SUPV3L1: variants seen among roughly 807,000 people sequenced by gnomAD.
SUPV3L1 encodes Suv3 like RNA helicase.
A neutral mutation model predicts 70.0 loss-of-function variants in SUPV3L1; 35 were observed. The observed-to-expected ratio is 0.50, with a 90% CI of 0.38 to 0.66. SUPV3L1 has a LOEUF of 0.66. Among genes scored for constraint, SUPV3L1 ranks in the 30% least tolerant of loss-of-function variants. SUPV3L1 has a pLI of 0.00. For synonymous variants in SUPV3L1, 364 were observed against 341.9 expected, an observed-to-expected ratio of 1.06 and a Z score of -0.71; for missense variants, 777 against 961.5, an observed-to-expected ratio of 0.81 and a Z score of 2.54.
intron 1 of SUPV3L1, among the ~76,000 whole-genome samples, chr10:69,181,974 C>CT (rs1382268994): frequency 2.0e-5 from 3 of 148,194 alleles, no homozygotes; most frequent in Non-Finnish European, 3.0e-5. Flanking sequence ...CTCTTTTAAG[C>CT]TTTTTTTTAG....
intron 10 of SUPV3L1, among the ~76,000 whole-genome samples, chr10:69,199,971 A>C (rs1021350269): frequency 2.0e-5 from 3 of 152,036 alleles, no homozygotes; most frequent in African/African-American, 7.2e-5. Flanking sequence ...CAGCCCCCCG[A>C]GTACTAGAGC....
intron 2 of SUPV3L1, 111 bp from the exon 3 acceptor site, chr10:69,186,325 CAAAAAAA>C (rs34197871): frequency 5.5e-5 from 22 of 397,758 alleles, no homozygotes; most frequent in Admixed American, 1.8e-4. Flanking sequence ...GCTGTACTGC[CAAAAAAA>C]AAAAAAAAAA....
intron 11 of SUPV3L1, 65 bp from the exon 12 acceptor site, chr10:69,202,374 A>G: frequency 6.9e-7 from 1 of 1,455,494 alleles, no homozygotes; most frequent in Non-Finnish European, 9.5e-7. Context: ...GCAATAACTT[A>G]AGAAAATTTG....
chr10:69,180,644 C>T (rs912727981), intron 1 of SUPV3L1, 82 bp downstream of exon 1: 2 of 1,527,130 alleles, frequency 1.3e-6, no homozygotes, highest in Non-Finnish European at 8.8e-7. Flanking sequence ...CATCCCCTTC[C>T]CCTGGGGATC....
Position 69,189,541 on chromosome 10 carries a change from A to G in SUPV3L1, c.741+106A>G, listed in dbSNP as rs139315361. 149 of 1,191,920 alleles carry G rather than the reference A, an allele frequency of 1.3e-4. No homozygotes were observed. The African/African-American group carries it at 2.1e-3, about 17-fold the overall frequency. The allele number at this position is 1,191,920 out of a possible 1,614,324, so 73.8% of individuals were successfully genotyped here. On this transcript the variant is annotated intron_variant, in intron 5 of 14. Coordinates refer to ENST00000359655, the MANE Select transcript of SUPV3L1 (RefSeq NM_003171.5). ...TTTACTGTTAACAAGAAATTACCAT[A>G]TTTCATTGTGTCTAAGAGGCTGTCA...
intron 14 of SUPV3L1, 148 bp downstream of exon 14, chr10:69,208,089 G>T: frequency 9.5e-7 from 1 of 1,054,932 alleles, no homozygotes; most frequent in South Asian, 1.7e-5. Context: ...TTCAACTGAT[G>T]GAATGGTTTC....
intron 13 of SUPV3L1, among the ~76,000 whole-genome samples, chr10:69,206,350 T>C (rs1842827896): frequency 6.6e-6 from 1 of 152,202 alleles, no homozygotes; most frequent in South Asian, 2.1e-4. Context: ...CTTGCTTAGG[T>C]TAAGCATTTA....
intron 1 of SUPV3L1, among the ~76,000 whole-genome samples, chr10:69,184,371 A>G (rs1272991158): frequency 6.6e-6 from 1 of 151,978 alleles, no homozygotes; most frequent in Admixed American, 6.6e-5. Flanking sequence ...TCTACTAAAA[A>G]TACAAAATTA....
chr10:69,203,897 T>C (rs1432769583), intron 13 of SUPV3L1, among the ~76,000 whole-genome samples: 1 of 151,742 alleles, frequency 6.6e-6, no homozygotes, highest in Non-Finnish European at 1.5e-5. Flanking sequence ...AGCTAATTTT[T>C]GCATTTTTTG....
Position 69,189,277 on chromosome 10 carries a change from G to T in SUPV3L1, c.583G>T (p.Ala195Ser), listed in dbSNP as rs998030325. Reference sequence around the variant, plus strand: ...CTACTCATGTTTTAGGTACCCAGATGCTAGAGCCATGCAGCGGAAGATAAT... The same window carrying T: ...CTACTCATGTTTTAGGTACCCAGATTCTAGAGCCATGCAGCGGAAGATAAT... ...LRIPPNWYPD[A>S]RAMQRKIIFH... The change falls in exon 5 of 15, where the codon GCT becomes TCT. Residue 195 changes from alanine to serine, a missense_variant. Physicochemically the swap from Ala to Ser is moderately conservative, Grantham distance 99 (BLOSUM62 1). This residue lies in a region of SUPV3L1 where 619 missense variants were observed against 823.3 expected (regional missense o/e 0.75). Transcript: ENST00000359655. The T allele has an allele frequency of 6.2e-7, 1 of 1,613,344 alleles. No individual in the cohort carries two copies. The highest frequency in any genetic ancestry group is 8.5e-7 in the Non-Finnish European group (1 of 1,179,692).
intron 1 of SUPV3L1, among the ~76,000 whole-genome samples, chr10:69,185,246 A>G (rs1842187066): frequency 6.6e-6 from 1 of 152,186 alleles, no homozygotes; most frequent in South Asian, 2.1e-4. Context: ...TATCCCTGAA[A>G]TCATCATCCT....
At chr10:69,197,669 A>C in intron 8 of SUPV3L1, among the ~76,000 whole-genome samples, 1 of 152,116 alleles carries the variant, frequency 6.6e-6, no homozygotes, top group East Asian at 1.9e-4. Context: ...TCCTGGACTC[A>C]AGTGATCCTC....
At position 69,198,545 on chromosome 10, in the gene SUPV3L1, C is replaced by T. The variant is rs940588953; in HGVS notation, c.1197C>T (p.Leu399=). Residue 399 remains leucine, a synonymous_variant, in exon 9 of 15, where the codon CTC becomes CTT. Coordinates refer to ENST00000359655, the MANE Select transcript of SUPV3L1 (RefSeq NM_003171.5). ...GLESAVIYGS[L]PPGTKLAQAK... is the part of the protein sequence containing the mutation. The stretch of plus-strand genomic sequence containing the variant: ...AATCAGCTGTTATATATGGCAGTCT[C>T]CCACCTGGTAATTATTGACTTTCCT... The T allele has an allele frequency of 2.5e-6, 4 of 1,613,198 alleles. No individual in the cohort carries two copies. In the African/African-American group the frequency reaches 5.3e-5, roughly 22 times the overall value.
chr10:69,185,971 G>T lies in SUPV3L1; in HGVS notation c.272-16G>T. 6.3e-7 allele frequency: 1 copy of T among 1,585,002 alleles called. No individual in the cohort carries two copies. The highest frequency in any genetic ancestry group is 1.1e-5 in the South Asian group (1 of 88,610). On this transcript the variant is annotated splice_polypyrimidine_tract_variant and intron_variant, in intron 1 of 14. Transcript: ENST00000359655. ...CTAAGATAAGGAAACGTTAAATTTT[G>T]ACATCTCTCTTCTAGATGAAGTAAA...
At chr10:69,198,616 T>A in intron 9 of SUPV3L1, 64 bp downstream of exon 9, 3 of 1,492,558 alleles carry the variant, frequency 2.0e-6, no homozygotes, top group Admixed American at 4.1e-5. Flanking sequence ...TATGTTGAGA[T>A]ATATATAAAA....
At position 69,199,125 on chromosome 10, in the gene SUPV3L1, A is replaced by G. The variant is rs771848038; in HGVS notation, c.1226A>G (p.Lys409Arg). Reference sequence around the variant, plus strand: ...TTAGGGACCAAACTTGCTCAAGCAAAAAAGTTTAATGATCCCAATGACCCA... The same window carrying G: ...TTAGGGACCAAACTTGCTCAAGCAAGAAAGTTTAATGATCCCAATGACCCA... ...LPPGTKLAQAKKFNDPNDPCK... is the reference protein window; with the variant it reads ...LPPGTKLAQARKFNDPNDPCK... Residue 409 changes from lysine to arginine, a missense_variant, in exon 10 of 15, where the codon AAA (lysine) becomes AGA (arginine). By Grantham distance (26) the Lys-to-Arg change is conservative. Transcript: ENST00000359655. 1 of 1,612,144 alleles carries G rather than the reference A, an allele frequency of 6.2e-7. No individual in the cohort carries two copies. The highest frequency in any genetic ancestry group is 1.7e-5 in the Admixed American group (1 of 59,628).
chr10:69,205,015 C>T (rs549879943), intron 13 of SUPV3L1, among the ~76,000 whole-genome samples: 3 of 152,294 alleles, frequency 2.0e-5, no homozygotes, highest in African/African-American at 7.2e-5. Flanking sequence ...AAGCAGTCCA[C>T]CTGCCTCAGC....
rs558634751 is a variant in SUPV3L1 at position 69,200,140 on chromosome 10, C to G, written c.1299-140C>G. Reference sequence around the variant, plus strand: ...GGGATTATGGGTGTGAGCCACTGTGCCAGACTTTCCTTAATTTTGTAAGTG... The same window carrying G: ...GGGATTATGGGTGTGAGCCACTGTGGCAGACTTTCCTTAATTTTGTAAGTG... On this transcript the variant is annotated intron_variant, in intron 10 of 14. Coordinates refer to ENST00000359655, the MANE Select transcript of SUPV3L1 (RefSeq NM_003171.5). 21 of 683,036 alleles carry G rather than the reference C, an allele frequency of 3.1e-5. No homozygotes were observed. In the African/African-American group the frequency reaches 3.6e-4, roughly 12 times the overall value. 42.3% of individuals were successfully genotyped at this position (683,036 alleles called of 1,614,324 possible).
rs200226985 is a variant in SUPV3L1, at chr10:69,193,743, A to C, written c.854-1445A>C. Among the ~76,000 whole-genome samples, 29 of 152,298 alleles carry C rather than the reference A, an allele frequency of 1.9e-4. No homozygotes were observed. In the East Asian group the frequency reaches 5.6e-3, roughly 29 times the overall value. ...GTAATTTTTAATCTGATGATTGTTCAATATAAAATTAGCTTTCTTTACTTT... is the reference window on the plus strand; with the variant it reads ...GTAATTTTTAATCTGATGATTGTTCCATATAAAATTAGCTTTCTTTACTTT... On this transcript the variant is annotated intron_variant, in intron 6 of 14. Transcript: ENST00000359655.
Sources: allele counts gnomAD v4.1 joint callset (sites outside exome capture counted in the v4.1 genomes callset), GRCh38; gene constraint gnomAD v4.1.1; regional missense constraint gnomAD v4.1.1; transcripts MANE v1.5; gene names NCBI Gene and HGNC (gene_info 2026-07-23, HGNC 2026-07-21).